Variants in RAD52 observed in about 807,000 individuals in gnomAD.
The protein encoded by RAD52 is DNA repair protein RAD52 homolog.
In RAD52, 47 loss-of-function variants were observed where a neutral mutation model predicts 55.5. The ratio of observed to expected loss-of-function variants is 0.85; its 90% CI spans 0.67 to 1.08. The LOEUF is 1.08. RAD52 is among the 50% of genes least tolerant of loss of function. RAD52 has a pLI of 0.00. For missense variants in RAD52, 468 were observed against 522.8 expected (o/e 0.90, Z 1.02); for synonymous variants, 184 against 198.9 (o/e 0.92, Z 0.63).
rs996574632 is a variant in RAD52 at position 969,829 on chromosome 12, T to TA, written c.-19+19979dup. Among the ~76,000 whole-genome samples the TA allele has an allele frequency of 2.3e-4, 35 of 151,884 alleles. 3 individuals are homozygous for TA. Among genetic ancestry groups the TA allele is most frequent in the African/African-American group, 8.5e-4 (35 of 41,348 alleles). On this transcript the variant is annotated intron_variant, in intron 1 of 11. Coordinates refer to the RAD52 transcript ENST00000430095. The stretch of plus-strand genomic sequence containing the variant: ...AGATTTTAGTATGTGTATACGATAT[T>TA]AAGAGTGAAGTACAAAATCTGGGAA...
At chr12:954,328 C>A (rs1214397259), upstream of RAD52, among the ~76,000 whole-genome samples, 1 of 152,078 alleles carries the variant, frequency 6.6e-6, no homozygotes, top group Non-Finnish European at 1.5e-5. Flanking sequence ...AAACAGAAAT[C>A]CTTAAATTTT....
chr12:956,801 C>T (rs1278068292), intron 1 of RAD52, among the ~76,000 whole-genome samples: 2 of 152,188 alleles, frequency 1.3e-5, no homozygotes, highest in African/African-American at 2.4e-5. Context: ...CCTACCTCGG[C>T]CTCCCAAAGT....
chr12:961,872 A>G (rs867632020), intron 1 of RAD52, among the ~76,000 whole-genome samples: 4 of 152,050 alleles, frequency 2.6e-5, no homozygotes, highest in Admixed American at 1.3e-4. Flanking sequence ...CTAAAAAAGA[A>G]AGAAAAAAGA....
chr12:936,241 T>C (rs577718118), intron 1 of RAD52, among the ~76,000 whole-genome samples: 1 of 151,786 alleles, frequency 6.6e-6, no homozygotes, highest in East Asian at 2.0e-4. Flanking sequence ...GAGGCGGAGG[T>C]TGCAGTGAGC....
At chr12:986,595 C>G (rs946347524) in intron 1 of RAD52, among the ~76,000 whole-genome samples, 3 of 151,968 alleles carry the variant, frequency 2.0e-5, no homozygotes, top group Middle Eastern at 3.4e-3. Context: ...TGACTCCTGT[C>G]CTCAAGCGAT....
intron 9 of RAD52, 116 bp downstream of exon 9, chr12:916,227 TC>T (rs1956363507): frequency 2.0e-6 from 3 of 1,499,886 alleles, no homozygotes; most frequent in Admixed American, 2.5e-5. Context: ...TTGAGAGAAG[TC>T]CCAGCGAGGC....
intron 1 of RAD52, chr12:974,793 G>A (rs574036052): frequency 6.6e-6 from 1 of 152,260 alleles, no homozygotes; most frequent in South Asian, 2.1e-4. Flanking sequence ...TTACAAATGA[G>A]TTACTATTAT....
rs958115425 is a variant in RAD52, at chr12:978,275, G to A, written c.-19+11534C>T. ...TCACCATGTTGGTCAGGCTGGTCTCGAACTCCTGACCTCGTGATCTGCCCG... is the reference window on the plus strand; with the variant it reads ...TCACCATGTTGGTCAGGCTGGTCTCAAACTCCTGACCTCGTGATCTGCCCG... On this transcript the variant is annotated intron_variant, in intron 1 of 11. Coordinates refer to the RAD52 transcript ENST00000430095. Among the ~76,000 whole-genome samples the A allele has an allele frequency of 7.3e-4, 111 of 151,512 alleles. 1 individual carries two copies. The highest frequency in any genetic ancestry group is 1.8e-3 in the East Asian group (9 of 5,122).
rs568156335 is a variant in RAD52, at chr12:920,088, G to A, written c.544-3268C>T. Among the ~76,000 whole-genome samples, 7 of 114,762 alleles carry A rather than the reference G, an allele frequency of 6.1e-5. 3 individuals carry two copies. Among genetic ancestry groups the A allele is most frequent in the South Asian group, 6.7e-4 (2 of 3,006 alleles). 75.3% of individuals were successfully genotyped at this position (114,762 alleles called of 152,430 possible). ...AAAAATTAGCCGGGCATGGTAGCAC[G>A]CACCTGTAGTTCCAGCTACTCAGGA... On this transcript the variant is annotated intron_variant, in intron 7 of 11. Transcript: ENST00000358495.
At chr12:919,708 G>C (rs1170900898) in intron 7 of RAD52, among the ~76,000 whole-genome samples, 1 of 92,964 alleles carries the variant, frequency 1.1e-5, no homozygotes, top group Non-Finnish European at 2.2e-5. Context: ...CCAAGATAGC[G>C]CCACTGCACT....
chr12:961,842 G>C (rs1958690802), intron 1 of RAD52, among the ~76,000 whole-genome samples: 1 of 152,108 alleles, frequency 6.6e-6, no homozygotes, highest in Admixed American at 6.6e-5. Flanking sequence ...CAGCCTGGAT[G>C]ACAGAGTGAG....
intron 1 of RAD52, among the ~76,000 whole-genome samples, chr12:987,013 C>T (rs1959095142): frequency 6.6e-6 from 1 of 152,076 alleles, no homozygotes; most frequent in Non-Finnish European, 1.5e-5. Flanking sequence ...GCTCACTGCC[C>T]AGGCTGGAGC....
At chr12:979,177 C>T (rs994380594) in intron 1 of RAD52, among the ~76,000 whole-genome samples, 9 of 152,032 alleles carry the variant, frequency 5.9e-5, no homozygotes, top group African/African-American at 1.7e-4. Context: ...TGGTGGCTCA[C>T]GCCTGTAATC....
At chr12:917,460 C>T (rs1163032861) in intron 7 of RAD52, among the ~76,000 whole-genome samples, 1 of 152,090 alleles carries the variant, frequency 6.6e-6, no homozygotes, top group East Asian at 1.9e-4. Flanking sequence ...TCTCTCAATT[C>T]ATAAAACTGA....
At chr12:952,547 G>A (rs1336940466), upstream of RAD52, among the ~76,000 whole-genome samples, 2 of 152,030 alleles carry the variant, frequency 1.3e-5, no homozygotes, top group Non-Finnish European at 2.9e-5. Context: ...TAATCAAGTA[G>A]GATGAGGTCA....
At chr12:927,091 G>A in intron 6 of RAD52, 54 bp downstream of exon 6, 1 of 1,568,642 alleles carries the variant, frequency 6.4e-7, no homozygotes, top group Non-Finnish European at 8.8e-7. Context: ...ATCGAAATCT[G>A]CTCTGAAGCA....
In RAD52 at chr12:912,949, G is replaced by A. The variant is rs7310449; in HGVS notation, c.*442C>T. ...TCGTGATCCACAGTGCTTAATGTGG[G>A]CAACATTAAAGGCATGGACCGTAAA... On this transcript the variant is annotated 3_prime_UTR_variant, in exon 12 of 12. Transcript: ENST00000358495. 0.43 allele frequency: 87,633 copies of A among 204,060 alleles called. 19,271 individuals are homozygous for A. Among genetic ancestry groups the A allele is most frequent in the Admixed American group, 0.51 (8,581 of 16,686 alleles). The allele number at this position is 204,060 out of a possible 1,614,324, so 12.6% of individuals were successfully genotyped here.
At chr12:969,864 G>A (rs1181800893) in intron 1 of RAD52, among the ~76,000 whole-genome samples, 2 of 151,812 alleles carry the variant, frequency 1.3e-5, no homozygotes, top group Non-Finnish European at 2.9e-5. Flanking sequence ...AAAGTAAAAT[G>A]AAGAAACTAT....
intron 1 of RAD52, among the ~76,000 whole-genome samples, chr12:962,908 T>A (rs1337280484): frequency 6.6e-6 from 1 of 152,082 alleles, no homozygotes; most frequent in Non-Finnish European, 1.5e-5. Context: ...ACATTTTAAC[T>A]CTGTTGGAAT....
Sources: allele counts gnomAD v4.1 joint callset (sites outside exome capture counted in the v4.1 genomes callset), GRCh38; gene constraint gnomAD v4.1.1; transcripts MANE v1.5; gene names NCBI Gene and HGNC (gene_info 2026-07-23, HGNC 2026-07-21).